C10orf143: variants seen among roughly 807,000 people sequenced by gnomAD.
C10orf143 encodes uncharacterized protein C10orf143.
chr10:130,104,817 GA>G (rs759700375), intron 1 of C10orf143: 2 of 152,150 alleles, frequency 1.3e-5, no homozygotes, highest in African/African-American at 2.4e-5. Context: ...TGTTCGCTCT[GA>G]TCAATAATGA....
intron 3 of C10orf143, among the ~76,000 whole-genome samples, chr10:130,068,868 C>T (rs552593118): frequency 2.6e-5 from 4 of 151,540 alleles, no homozygotes; most frequent in Admixed American, 6.6e-5. Context: ...AAAAAAAAAG[C>T]GAAGAAAAAT....
chr10:130,081,534 G>A (rs1861209434), intron 1 of C10orf143, among the ~76,000 whole-genome samples: 2 of 151,920 alleles, frequency 1.3e-5, no homozygotes, highest in Non-Finnish European at 2.9e-5. Flanking sequence ...TTCCTCTCAA[G>A]AACTCACAGC....
At chr10:130,037,222 T>C (rs1161005921) in intron 3 of C10orf143, among the ~76,000 whole-genome samples, 3 of 152,196 alleles carry the variant, frequency 2.0e-5, no homozygotes. Context: ...CTTCTTAGCA[T>C]TGAAATTCAC....
chr10:130,074,011 G>A (rs1039000407), intron 3 of C10orf143, among the ~76,000 whole-genome samples: 3 of 152,140 alleles, frequency 2.0e-5, no homozygotes, highest in Non-Finnish European at 2.9e-5. Flanking sequence ...TTAGCCAAGA[G>A]CTTCTCACTG....
chr10:130,048,516 G>A (rs550491599), intron 3 of C10orf143, among the ~76,000 whole-genome samples: 7 of 152,240 alleles, frequency 4.6e-5, no homozygotes, highest in African/African-American at 4.8e-5. Context: ...CCCAACTCAC[G>A]TCACAGGGCA....
chr10:130,085,781 A>T (rs944649700), intron 1 of C10orf143, among the ~76,000 whole-genome samples: 3 of 97,608 alleles, frequency 3.1e-5, no homozygotes, highest in Non-Finnish European at 7.9e-5. Context: ...CAAGTTTTTT[A>T]AAATGAAAAA....
At chr10:130,104,555 G>A (rs1861609577) in intron 1 of C10orf143, 3 of 152,316 alleles carry the variant, frequency 2.0e-5, no homozygotes, top group Non-Finnish European at 2.9e-5. Flanking sequence ...GAGGCAGAGA[G>A]AGGACAGAAA....
At chr10:130,108,590 G>A (rs1387344841) in intron 1 of C10orf143, 3 of 547,426 alleles carry the variant, frequency 5.5e-6, no homozygotes, top group Non-Finnish European at 6.6e-6. Flanking sequence ...TTGTAAATAA[G>A]GATGATTTAA....
At chr10:130,092,368 A>G (rs1244863123) in intron 1 of C10orf143, among the ~76,000 whole-genome samples, 1 of 152,220 alleles carries the variant, frequency 6.6e-6, no homozygotes, top group Non-Finnish European at 1.5e-5. Flanking sequence ...GCAAATGCTG[A>G]GAGATTTTGT....
intron 3 of C10orf143, among the ~76,000 whole-genome samples, chr10:130,036,213 G>A (rs1021758737): frequency 2.0e-5 from 3 of 152,156 alleles, no homozygotes; most frequent in Non-Finnish European, 4.4e-5. Flanking sequence ...TGAGGCTCAG[G>A]AAGATCCACT....
chr10:130,037,633 G>C (rs1860559538), intron 3 of C10orf143, among the ~76,000 whole-genome samples: 1 of 152,226 alleles, frequency 6.6e-6, no homozygotes, highest in African/African-American at 2.4e-5. Context: ...ACTGAGGCTA[G>C]AGCCACAACA....
At chr10:130,090,518 GT>G (rs927207858) in intron 1 of C10orf143, among the ~76,000 whole-genome samples, 4 of 152,028 alleles carry the variant, frequency 2.6e-5, no homozygotes, top group Admixed American at 6.6e-5. Context: ...AACTGCAGGA[GT>G]TTTTTTTCAT....
intron 3 of C10orf143, among the ~76,000 whole-genome samples, chr10:130,038,501 A>C (rs1409898580): frequency 6.6e-6 from 1 of 152,066 alleles, no homozygotes; most frequent in Admixed American, 6.6e-5. Flanking sequence ...AGCCTGTGTA[A>C]CACTTCCCTG....
At chr10:130,074,655 T>C (rs1861086734) in intron 3 of C10orf143, among the ~76,000 whole-genome samples, 2 of 152,202 alleles carry the variant, frequency 1.3e-5, no homozygotes, top group Non-Finnish European at 2.9e-5. Flanking sequence ...CTTCCTGTTC[T>C]AGTGCAGTAT....
At chr10:130,097,828 T>A (rs1215306068) in intron 1 of C10orf143, among the ~76,000 whole-genome samples, 1 of 152,040 alleles carries the variant, frequency 6.6e-6, no homozygotes, top group African/African-American at 2.4e-5. Flanking sequence ...CAGGTATGAC[T>A]CCCTTTACAA....
intron 3 of C10orf143, chr10:130,066,579 A>G (rs1422390777): frequency 5.3e-5 from 8 of 152,226 alleles, no homozygotes. Context: ...CCCCCGCACC[A>G]TTCTACTCTC....
chr10:130,054,350 G>C (rs896203428), intron 3 of C10orf143, among the ~76,000 whole-genome samples: 2 of 152,126 alleles, frequency 1.3e-5, no homozygotes, highest in African/African-American at 4.8e-5. Flanking sequence ...ATAGGACAGG[G>C]TTTCCTCCTT....
At chr10:130,077,012 T>A (rs1454871096) in intron 3 of C10orf143, among the ~76,000 whole-genome samples, 1 of 152,094 alleles carries the variant, frequency 6.6e-6, no homozygotes, top group Non-Finnish European at 1.5e-5. Flanking sequence ...ATCAGTAACA[T>A]GAGCAGGGTG....
intron 1 of C10orf143, among the ~76,000 whole-genome samples, chr10:130,092,683 CA>C (rs1483823996): frequency 6.6e-6 from 1 of 152,000 alleles, no homozygotes; most frequent in Admixed American, 6.6e-5. Context: ...ATCTCACCTG[CA>C]AAGACACACA....
Sources: gnomAD v4.1 joint callset for allele counts (sites outside exome capture counted in the v4.1 genomes callset) on GRCh38, gnomAD v4.1.1 for gene constraint, MANE v1.5 for transcripts, NCBI Gene and HGNC (gene_info 2026-07-23, HGNC 2026-07-21) for gene names.